The following APC variants were observed in gnomAD, a reference collection of about 807,000 sequenced individuals.
The protein encoded by APC is adenomatous polyposis coli protein.
APC carries 72 observed loss-of-function variants against 247.0 expected under a neutral mutation model. That is an observed-to-expected ratio of 0.29 (90% CI 0.24 to 0.35). APC has a LOEUF of 0.35. APC is among the 10% of genes least tolerant of loss of function. The pLI, the probability that APC is intolerant of heterozygous loss-of-function variation, is 1.00. For missense variants in APC, 3,400 were observed against 3,360.7 expected, an observed-to-expected ratio of 1.01 and a Z score of -0.29; for synonymous variants, 1,254 against 1,162.5, an observed-to-expected ratio of 1.08 and a Z score of -1.60.
At chr5:112,836,569 T>TG (rs1764970293) in intron 15 of APC, among the ~76,000 whole-genome samples, 1 of 152,240 alleles carries the variant, frequency 6.6e-6, no homozygotes, top group Non-Finnish European at 1.5e-5. Context: ...AACAAGCTGT[T>TG]GCTCTTTCAT....
At chr5:112,792,662 T>C in intron 7 of APC, 133 bp downstream of exon 7, 1 of 673,782 alleles carries the variant, frequency 1.5e-6, no homozygotes, top group South Asian at 1.7e-5. Context: ...CCGTAATTTT[T>C]TTCGTGAAAT....
chr5:112,740,841 T>C (rs1004987924), intron 1 of APC, among the ~76,000 whole-genome samples: 3 of 152,190 alleles, frequency 2.0e-5, no homozygotes, highest in Admixed American at 6.5e-5. Flanking sequence ...TTTGCATTAA[T>C]TGCTCTGTAG....
chr5:112,748,748 G>T (rs1753955865), intron 1 of APC, among the ~76,000 whole-genome samples: 1 of 152,114 alleles, frequency 6.6e-6, no homozygotes, highest in South Asian at 2.1e-4. Context: ...GAACCTGGGA[G>T]GTTACAGTGA....
At chr5:112,726,550 A>G (rs1198260752) in intron 1 of APC, among the ~76,000 whole-genome samples, 1 of 152,032 alleles carries the variant, frequency 6.6e-6, no homozygotes, top group Non-Finnish European at 1.5e-5. Context: ...TGGGCACAGG[A>G]TAAGGGGACA....
At chr5:112,710,387 G>A (rs1335013176) in intron 1 of APC, among the ~76,000 whole-genome samples, 3 of 151,886 alleles carry the variant, frequency 2.0e-5, no homozygotes, top group African/African-American at 2.4e-5. Flanking sequence ...TTTCATCTCA[G>A]TGTCATCTCT....
At chr5:112,795,041 G>C (rs1760051487) in intron 7 of APC, among the ~76,000 whole-genome samples, 1 of 152,104 alleles carries the variant, frequency 6.6e-6, no homozygotes, top group East Asian at 1.9e-4. Flanking sequence ...TTTTGTTTTT[G>C]TTTGAGACAG....
At chr5:112,785,668 G>C (rs930213936) in intron 6 of APC, among the ~76,000 whole-genome samples, 57 of 152,152 alleles carry the variant, frequency 3.7e-4, no homozygotes, top group African/African-American at 1.4e-3. Flanking sequence ...ATAGAGACTA[G>C]AAAGAGGTAC....
At chr5:112,833,625 A>G (rs1168412099) in intron 14 of APC, among the ~76,000 whole-genome samples, 1 of 152,108 alleles carries the variant, frequency 6.6e-6, no homozygotes, top group African/African-American at 2.4e-5. Flanking sequence ...CACCCAGCAC[A>G]TGGCAAGTTT....
upstream of APC, among the ~76,000 whole-genome samples, chr5:112,736,593 G>C (rs779479485): frequency 6.6e-6 from 1 of 152,106 alleles, no homozygotes; most frequent in Non-Finnish European, 1.5e-5. Flanking sequence ...TGAAAATTAA[G>C]AAACGATTAT....
At chr5:112,793,329 A>G (rs192666788) in intron 7 of APC, among the ~76,000 whole-genome samples, 49 of 152,262 alleles carry the variant, frequency 3.2e-4, no homozygotes, top group Non-Finnish European at 5.7e-4. Context: ...TACCTACTGA[A>G]TGCTGAAACC....
intron 15 of APC, among the ~76,000 whole-genome samples, chr5:112,836,985 G>A (rs574126640): frequency 6.6e-6 from 1 of 152,208 alleles, no homozygotes; most frequent in Admixed American, 6.5e-5. Context: ...ACAGGCATGA[G>A]CCACTGTGTC....
At chr5:112,778,212 C>A (rs1367569649) in intron 5 of APC, 2 of 183,054 alleles carry the variant, frequency 1.1e-5, no homozygotes, top group Non-Finnish European at 2.4e-5. Context: ...ACTTGAGGAG[C>A]TGATATTCAC....
At chr5:112,778,858 A>G (rs1019934956) in intron 5 of APC, among the ~76,000 whole-genome samples, 3 of 152,220 alleles carry the variant, frequency 2.0e-5, no homozygotes, top group Non-Finnish European at 4.4e-5. Flanking sequence ...TAATTTTTTA[A>G]AAGAAAATAG....
At chr5:112,711,647 G>A (rs1390760587) in intron 1 of APC, among the ~76,000 whole-genome samples, 3 of 152,142 alleles carry the variant, frequency 2.0e-5, no homozygotes, top group East Asian at 1.9e-4. Flanking sequence ...CTTGAGGGGC[G>A]GAGTTCAAGG....
chr5:112,755,380 C>T (rs1268034971), intron 2 of APC, among the ~76,000 whole-genome samples: 1 of 152,118 alleles, frequency 6.6e-6, no homozygotes, highest in Non-Finnish European at 1.5e-5. Context: ...TTAAGTGTAG[C>T]CTTCCTCCCC....
intron 1 of APC, among the ~76,000 whole-genome samples, chr5:112,747,579 A>G (rs551364910): frequency 1.3e-5 from 2 of 152,222 alleles, no homozygotes; most frequent in Non-Finnish European, 2.9e-5. Context: ...AAGCTAGTGA[A>G]TTAATCTCCC....
At chr5:112,794,381 C>G (rs1446766130) in intron 7 of APC, among the ~76,000 whole-genome samples, 3 of 152,144 alleles carry the variant, frequency 2.0e-5, no homozygotes, top group Non-Finnish European at 2.9e-5. Context: ...CGCCTGACCC[C>G]TGTTAAACCT....
At chr5:112,818,878 T>A (rs1762792094) in intron 9 of APC, 88 bp from the exon 10 acceptor site, 1 of 1,356,404 alleles carries the variant, frequency 7.4e-7, no homozygotes, top group Non-Finnish European at 1.0e-6. Context: ...TTTAGAGTTA[T>A]AGTAAATATC....
At chr5:112,746,859 C>T (rs1366345788) in intron 1 of APC, among the ~76,000 whole-genome samples, 1 of 152,200 alleles carries the variant, frequency 6.6e-6, no homozygotes, top group Non-Finnish European at 1.5e-5. Context: ...CAAGTATCAT[C>T]ACTTACAGAT....
Sources: allele counts gnomAD v4.1 joint callset (sites outside exome capture counted in the v4.1 genomes callset), GRCh38; gene constraint gnomAD v4.1.1; transcripts MANE v1.5; gene names NCBI Gene and HGNC (gene_info 2026-07-23, HGNC 2026-07-21).